SPEG: variants seen among roughly 807,000 people sequenced by gnomAD.
The protein encoded by SPEG is striated muscle preferentially expressed protein kinase.
A neutral mutation model predicts 300.4 loss-of-function variants in SPEG; 114 were observed. That is an observed-to-expected ratio of 0.38 (90% CI 0.33 to 0.44). The LOEUF (loss-of-function observed/expected upper bound fraction) is 0.44. SPEG is among the 20% of genes least tolerant of loss of function. The probability of loss-of-function intolerance (pLI) is 1.00; values close to 1 mark genes in which losing one functional copy is unlikely to be tolerated. For synonymous variants in SPEG, 1,964 were observed against 2,018.9 expected (o/e 0.97, Z 0.73); for missense variants, 4,201 against 4,586.2 (o/e 0.92, Z 2.43).
At position 219,477,858 on chromosome 2, in the gene SPEG, G is replaced by A. The variant is rs372956464; in HGVS notation, c.4827-47G>A. The A allele has an allele frequency of 6.2e-7, 1 of 1,603,988 alleles. No individual in the cohort carries two copies. The highest frequency in any genetic ancestry group is 8.5e-7 in the Non-Finnish European group (1 of 1,172,336). ...GTCTGAGGGTTGGGAGGGGTGGAGA[G>A]GGCCACAGTGATGGCTGATCTCTGA... On this transcript the variant is annotated intron_variant, in intron 21 of 40. Coordinates refer to ENST00000312358, the MANE Select transcript of SPEG (RefSeq NM_005876.5). This position sits in a 1 kb window ranked among gnomAD's most constrained non-coding sequence, Gnocchi z 6.4.
chr2:219,456,637 C>T (rs192301681), intron 6 of SPEG, among the ~76,000 whole-genome samples: 10 of 152,282 alleles, frequency 6.6e-5, no homozygotes, highest in Admixed American at 3.9e-4. Flanking sequence ...TGACCGGGTG[C>T]GGTGGCTCAC....
At chr2:219,485,165 AC>A (rs952100374) in intron 30 of SPEG, 93 bp downstream of exon 30, 9 of 1,499,232 alleles carry the variant, frequency 6.0e-6, no homozygotes, top group Non-Finnish European at 8.1e-6. Context: ...GGGGACACCC[AC>A]CAGGGGCAGG....
rs1692492000 is a variant in SPEG, at chr2:219,477,835, C to T, written c.4826+50C>T. On this transcript the variant is annotated intron_variant, in intron 21 of 40. Transcript: ENST00000312358. The surrounding 1 kb of genome is among the most constrained non-coding windows in gnomAD (Gnocchi z 6.4). ...TGGGGGCCGAGAGAGGCTGCTGGGT[C>T]TGAGGGTTGGGAGGGGTGGAGAGGG... is the stretch of plus-strand genomic sequence containing the variant. The T allele has an allele frequency of 1.3e-6, 2 of 1,595,574 alleles. No individual in the cohort carries two copies. The highest frequency in any genetic ancestry group is 1.7e-6 in the Non-Finnish European group (2 of 1,166,426).
At position 219,464,443 on chromosome 2, in the gene SPEG, C is replaced by T. The variant is rs368595613; in HGVS notation, c.2716C>T (p.Arg906Cys). The change falls in exon 9 of 41, where the codon CGC becomes TGC. Residue 906 changes from arginine (R) to cysteine (C), a missense_variant. Arg to Cys is a radical substitution (Grantham distance 180). Transcript: ENST00000312358. This position sits in a 1 kb window ranked among gnomAD's most constrained non-coding sequence, Gnocchi z 4.5. ...TTGCCCCTCTGACAGGCTGAGAAAC[C>T]GCCAGCCCGTGCGCCCAGACCAGCG... is the stretch of plus-strand genomic sequence containing the variant. The part of the protein sequence containing the change: ...PKPVVSWLRN[R>C]QPVRPDQRRF... 34 of 1,610,090 alleles carry T rather than the reference C, an allele frequency of 2.1e-5. No individual in the cohort carries two copies. The highest frequency in any genetic ancestry group is 6.7e-5 in the Admixed American group (4 of 59,948).
chr2:219,453,063 T>C (rs1167702544), intron 6 of SPEG, among the ~76,000 whole-genome samples: 1 of 152,222 alleles, frequency 6.6e-6, no homozygotes, highest in Non-Finnish European at 1.5e-5. Context: ...CACATGCTTC[T>C]GTCCTTCCAT....
Position 219,483,590 on chromosome 2 carries a change from C to T in SPEG, c.6127C>T (p.Arg2043Cys). Residue 2043 changes from arginine (R) to cysteine (C), a missense_variant, in exon 30 of 41, where the codon CGC becomes TGC. Arg to Cys is a radical substitution (Grantham distance 180). Transcript: ENST00000312358. ...HKAASVELPQ[R>C]RSPSPGATRL... ...GGCGGCGTCTGTGGAGCTGCCGCAG[C>T]GCCGGAGCCCCAGCCCGGGAGCCAC... The T allele has an allele frequency of 2.0e-6, 3 of 1,476,118 alleles. No individual in the cohort carries two copies. The highest frequency in any genetic ancestry group is 1.8e-6 in the Non-Finnish European group (2 of 1,124,444). The allele number at this position is 1,476,118 out of a possible 1,614,324, so 91.4% of individuals were successfully genotyped here.
intron 8 of SPEG, among the ~76,000 whole-genome samples, chr2:219,462,595 G>T (rs1213306942): frequency 6.6e-6 from 1 of 152,258 alleles, no homozygotes; most frequent in Non-Finnish European, 1.5e-5. Context: ...CCCCTTCTGG[G>T]GAGGGGTTTG....
Position 219,480,291 on chromosome 2 carries a change from C to T in SPEG, c.5342+151C>T. 1 of 836,256 alleles carries T rather than the reference C, an allele frequency of 1.2e-6. No individual in the cohort carries two copies. Among genetic ancestry groups the T allele is most frequent in the Non-Finnish European group, 1.8e-6 (1 of 540,674 alleles). 51.8% of individuals were successfully genotyped at this position (836,256 alleles called of 1,614,324 possible). On this transcript the variant is annotated intron_variant, in intron 25 of 40. Coordinates refer to ENST00000312358, the MANE Select transcript of SPEG (RefSeq NM_005876.5). This position sits in a 1 kb window ranked among gnomAD's most constrained non-coding sequence, Gnocchi z 5.3. Reference sequence around the variant, plus strand: ...TTTGCAGGGTCTCCTGCCCATGTTACTCCTTGCCCCTTGTGAGTCAGGGCT... The same window carrying T: ...TTTGCAGGGTCTCCTGCCCATGTTATTCCTTGCCCCTTGTGAGTCAGGGCT...
At chr2:219,490,084 TGTGCCAGA>T in intron 36 of SPEG, 145 bp downstream of exon 36, 1 of 996,860 alleles carries the variant, frequency 1.0e-6, no homozygotes, top group South Asian at 1.7e-5. Context: ...TGCGTTCAAA[TGTGCCAGA>T]CACTGCACTG....
intron 32 of SPEG, 55 bp downstream of exon 32, chr2:219,488,365 A>G: frequency 6.6e-7 from 1 of 1,510,218 alleles, no homozygotes; most frequent in South Asian, 1.2e-5. Flanking sequence ...CCCTGAGCCC[A>G]GGGGATGGGA....
rs1170907139 is a variant in SPEG, at chr2:219,479,789, G to T, written c.5092G>T (p.Ala1698Ser). 6.2e-7 allele frequency: 1 copy of T among 1,613,726 alleles called. No homozygotes were observed. The highest frequency in any genetic ancestry group is 2.2e-5 in the East Asian group (1 of 44,898). Reference sequence around the variant, plus strand: ...GGGCCCACTATTTCCACAGATCCGGGCCTATATGCGGCAGGTGCTAGAGGG... The same window carrying T: ...GGGCCCACTATTTCCACAGATCCGGTCCTATATGCGGCAGGTGCTAGAGGG... ...KPTVCESEIR[A>S]YMRQVLEGIH... is the part of the protein sequence containing the mutation. Residue 1698 changes from alanine (A) to serine (S), a missense_variant, in exon 24 of 41, where the codon GCC (alanine) becomes TCC (serine). Ala to Ser is a moderately conservative substitution (Grantham distance 99). This residue lies in a region of SPEG where 1,047 missense variants were observed against 1,356.8 expected (regional missense o/e 0.77). Transcript: ENST00000312358. This position sits in a 1 kb window ranked among gnomAD's most constrained non-coding sequence, Gnocchi z 5.5.
At chr2:219,452,043 G>A (rs147909439) in intron 6 of SPEG, among the ~76,000 whole-genome samples, 71 of 152,376 alleles carry the variant, frequency 4.7e-4, no homozygotes, top group African/African-American at 1.6e-3. Flanking sequence ...GCCAATTCAT[G>A]AAGTCAGTGA....
At position 219,490,468 on chromosome 2, in the gene SPEG, C is replaced by T. The variant is rs556552800; in HGVS notation, c.8981C>T (p.Ala2994Val). Residue 2994 changes from alanine to valine, a missense_variant, in exon 37 of 41, where the codon GCC becomes GTC. Coordinates refer to ENST00000312358, the MANE Select transcript of SPEG (RefSeq NM_005876.5). ...AATGCCACGGGGCGAACGTTCGTGG[C>T]CAAGATCGTGCCCTATGCTGCCGAG... ...RENATGRTFV[A>V]KIVPYAAEGK... 6 of 1,613,398 alleles carry T rather than the reference C, an allele frequency of 3.7e-6. No homozygotes were observed. The South Asian group carries it at 6.6e-5, about 18-fold the overall frequency.
chr2:219,442,367 G>A (rs1275110448), intron 1 of SPEG, among the ~76,000 whole-genome samples: 1 of 151,672 alleles, frequency 6.6e-6, no homozygotes, highest in Non-Finnish European at 1.5e-5. Flanking sequence ...AGCGTTCGGC[G>A]TGGAGCGCCC....
Position 219,483,564 on chromosome 2 carries a change from A to C in SPEG, c.6101A>C (p.Lys2034Thr). The change falls in exon 30 of 41, where the codon AAG (lysine) becomes ACG (threonine). Residue 2034 changes from lysine (K) to threonine (T), a missense_variant. Physicochemically the swap from Lys to Thr is moderately conservative, Grantham distance 78. This residue lies in a region of SPEG where 1,578 missense variants were observed against 1,506.0 expected (regional missense o/e 1.05). Coordinates refer to ENST00000312358, the MANE Select transcript of SPEG (RefSeq NM_005876.5). ...CGGGAGCTGGGCCGGGGCCTGCACA[A>C]GGCGGCGTCTGTGGAGCTGCCGCAG... is the stretch of plus-strand genomic sequence containing the variant. ...GPRELGRGLH[K>T]AASVELPQRR... is the part of the protein sequence containing the mutation. The C allele has an allele frequency of 2.1e-6, 3 of 1,449,082 alleles. No individual in the cohort carries two copies. Among genetic ancestry groups the C allele is most frequent in the Non-Finnish European group, 2.7e-6 (3 of 1,113,668 alleles). The allele number at this position is 1,449,082 out of a possible 1,614,324, so 89.8% of individuals were successfully genotyped here.
chr2:219,484,851 G>T lies in SPEG; in HGVS notation c.7388G>T (p.Arg2463Leu). The T allele has an allele frequency of 6.6e-7, 1 of 1,519,800 alleles. No individual in the cohort carries two copies. Among genetic ancestry groups the T allele is most frequent in the Non-Finnish European group, 8.8e-7 (1 of 1,141,592 alleles). The allele number at this position is 1,519,800 out of a possible 1,614,324, so 94.1% of individuals were successfully genotyped here. The change falls in exon 30 of 41, where the codon CGG becomes CTG. Residue 2463 changes from arginine (R) to leucine (L), a missense_variant. Transcript: ENST00000312358. ...AGGCGGCTGAGCTTCACCCTGGAGC[G>T]GCTGTCCAGCCGATTGCAGCGCAGT... ...MRRRLSFTLERLSSRLQRSGS... is the reference protein window; with the variant it reads ...MRRRLSFTLELLSSRLQRSGS...
rs757036445 is a variant in SPEG, at chr2:219,466,140, T to C, written c.2882-1034T>C. The C allele has an allele frequency of 2.6e-6, 4 of 1,549,310 alleles. No homozygotes were observed. In the African/African-American group the frequency reaches 5.4e-5, roughly 21 times the overall value. On this transcript the variant is annotated intron_variant, in intron 9 of 40. Transcript: ENST00000312358. ...GTCTCAGGCACCTCTCGGACCTCGC[T>C]GTGTTTCACTGCCTCCTGCCCACAG... is the stretch of plus-strand genomic sequence containing the variant.
Position 219,469,341 on chromosome 2 carries a change from A to G in SPEG, c.3677A>G (p.His1226Arg). 1.2e-6 allele frequency: 2 copies of G among 1,613,804 alleles called. No individual in the cohort carries two copies. Among genetic ancestry groups the G allele is most frequent in the Non-Finnish European group, 1.7e-6 (2 of 1,179,946 alleles). Residue 1226 changes from histidine to arginine, a missense_variant, in exon 13 of 41, where the codon CAC becomes CGC. By Grantham distance (29) the His-to-Arg change is conservative. Around this residue, in one of 4 missense-constraint regions of SPEG, gnomAD observed 1,047 missense variants for 1,356.8 expected, o/e 0.77. Coordinates refer to ENST00000312358, the MANE Select transcript of SPEG (RefSeq NM_005876.5). ...YPTISWFHNG[H>R]RIQSSDDRRM... ...ACCATCAGCTGGTTCCACAATGGCC[A>G]CCGCATCCAGAGCAGCGACGACCGG...
rs944975338 is a variant in SPEG, at chr2:219,479,133, C to G, written c.5028-11C>G. ...GGCACTGGGCACTGTTCTCCTTGAT[C>G]TGGGATGTAGCTGCACAGAGGAGCT... On this transcript the variant is annotated splice_polypyrimidine_tract_variant and intron_variant, in intron 22 of 40. Coordinates refer to ENST00000312358, the MANE Select transcript of SPEG (RefSeq NM_005876.5). The surrounding 1 kb of genome is among the most constrained non-coding windows in gnomAD (Gnocchi z 5.5). 2 of 1,613,028 alleles carry G rather than the reference C, an allele frequency of 1.2e-6. No individual in the cohort carries two copies. The highest frequency in any genetic ancestry group is 1.7e-6 in the Non-Finnish European group (2 of 1,179,816).
Sources: allele counts gnomAD v4.1 joint callset (sites outside exome capture counted in the v4.1 genomes callset), GRCh38; gene constraint gnomAD v4.1.1; regional missense constraint gnomAD v4.1.1; non-coding constraint Gnocchi (gnomAD v3.1); transcripts MANE v1.5; gene names NCBI Gene and HGNC (gene_info 2026-07-23, HGNC 2026-07-21).